FGD4: variants seen among roughly 807,000 people sequenced by gnomAD.
The protein encoded by FGD4 is FYVE, RhoGEF and PH domain containing 4, also known as FYVE, RhoGEF and PH domain-containing protein 4.
In FGD4, 42 loss-of-function variants were observed where a neutral mutation model predicts 102.0. The ratio of observed to expected loss-of-function variants is 0.41; its 90% confidence interval spans 0.32 to 0.53. The LOEUF (loss-of-function observed/expected upper bound fraction) is 0.53. Ranked by LOEUF, FGD4 falls within the 20% of genes least tolerant of loss-of-function variation. The pLI is 0.21. For missense variants in FGD4, 902 were observed against 1,078.2 expected (o/e 0.84, Z 2.29); for synonymous variants, 380 against 375.7 (o/e 1.01, Z -0.13).
intron 1 of FGD4, among the ~76,000 whole-genome samples, chr12:32,530,112 G>T (rs1480724158): frequency 6.6e-6 from 1 of 152,018 alleles, no homozygotes; most frequent in Non-Finnish European, 1.5e-5. Context: ...TCATTTCCAT[G>T]GAAAATGGTA....
At chr12:32,486,253 T>A (rs1943896320) in intron 1 of FGD4, 9 of 1,064,236 alleles carry the variant, frequency 8.5e-6, no homozygotes, top group Middle Eastern at 2.3e-4. Flanking sequence ...TTTCTCTTTG[T>A]TTACTGTTAA....
chr12:32,593,639 T>C (rs1947655587), intron 4 of FGD4, among the ~76,000 whole-genome samples: 2 of 152,222 alleles, frequency 1.3e-5, no homozygotes, highest in Non-Finnish European at 2.9e-5. Flanking sequence ...CCTGTAGGAT[T>C]GTGGAGGACC....
At chr12:32,456,034 G>GCA (rs1942939648) in intron 1 of FGD4, among the ~76,000 whole-genome samples, 2 of 152,116 alleles carry the variant, frequency 1.3e-5, no homozygotes, top group African/African-American at 4.8e-5. Flanking sequence ...CTTCTCAGCT[G>GCA]TTGTGTAAAA....
chr12:32,531,171 G>A (rs1370964597), intron 1 of FGD4, among the ~76,000 whole-genome samples: 1 of 151,570 alleles, frequency 6.6e-6, no homozygotes, highest in Non-Finnish European at 1.5e-5. Context: ...AGATGGTCTC[G>A]ATCTCTTGAC....
intron 1 of FGD4, among the ~76,000 whole-genome samples, chr12:32,461,360 T>A (rs149517982): frequency 6.6e-6 from 1 of 152,186 alleles, no homozygotes; most frequent in South Asian, 2.1e-4. Flanking sequence ...GTAACAGAAG[T>A]GTTGATTGAA....
At chr12:32,600,779 T>G (rs936233868) in intron 5 of FGD4, among the ~76,000 whole-genome samples, 1 of 152,114 alleles carries the variant, frequency 6.6e-6, no homozygotes, top group African/African-American at 2.4e-5. Context: ...TTGTGGGAAC[T>G]AAATCATGAT....
chr12:32,533,900 G>T (rs1368138709), intron 1 of FGD4, among the ~76,000 whole-genome samples: 1 of 152,090 alleles, frequency 6.6e-6, no homozygotes, highest in Non-Finnish European at 1.5e-5. Context: ...GTATTATTTA[G>T]TCACTGAAAT....
intron 1 of FGD4, chr12:32,485,992 G>T: frequency 7.4e-7 from 1 of 1,355,496 alleles, no homozygotes; most frequent in South Asian, 1.9e-5. Flanking sequence ...TTATCATGTT[G>T]AACACTAGAT....
intron 1 of FGD4, among the ~76,000 whole-genome samples, chr12:32,452,431 A>G (rs1463010793): frequency 1.3e-5 from 2 of 152,224 alleles, no homozygotes; most frequent in Admixed American, 6.5e-5. Flanking sequence ...TGAATTTTTG[A>G]TAGACAATAT....
intron 14 of FGD4, among the ~76,000 whole-genome samples, chr12:32,626,446 GA>G (rs34938382): frequency 0.36 from 36,785 of 101,658 alleles, 4,870 homozygotes; most frequent in South Asian, 0.44. Context: ...CTCCATCTCA[GA>G]AAAAAAAAAA....
chr12:32,471,899 T>C (rs959020844), intron 1 of FGD4, among the ~76,000 whole-genome samples: 2 of 152,274 alleles, frequency 1.3e-5, no homozygotes, highest in East Asian at 3.9e-4. Flanking sequence ...CCTACATCAG[T>C]GTGGGAAGTG....
chr12:32,430,320 A>G (rs1942006406), intron 1 of FGD4, among the ~76,000 whole-genome samples: 1 of 152,158 alleles, frequency 6.6e-6, no homozygotes, highest in Non-Finnish European at 1.5e-5. Flanking sequence ...AAAAGAAAAA[A>G]AAAAGGAAAG....
rs753659658 is a variant in FGD4 at position 32,640,350 on chromosome 12, A to G, written c.2529A>G (p.Pro843=). 2 of 1,614,082 alleles carry G rather than the reference A, an allele frequency of 1.2e-6. No homozygotes were observed. Among genetic ancestry groups the G allele is most frequent in the Non-Finnish European group, 1.7e-6 (2 of 1,180,048 alleles). Residue 843 remains proline, a synonymous_variant, in exon 17 of 17, where the codon CCA becomes CCG. Coordinates refer to ENST00000534526, the MANE Select transcript of FGD4 (RefSeq NM_001370298.3). ...AAATGCCAAGGAGCGCAGACCTGCC[A>G]CACAGTTTCAAACTGACCCAGTCTA... The part of the protein sequence containing the change: ...VDEMPRSADL[P]HSFKLTQSKS...
chr12:32,425,079 G>C (rs1275212670), intron 1 of FGD4, among the ~76,000 whole-genome samples: 1 of 152,136 alleles, frequency 6.6e-6, no homozygotes, highest in African/African-American at 2.4e-5. Context: ...AGTTTAATTA[G>C]ATCTTATTTG....
chr12:32,489,903 G>T (rs1406426868), intron 1 of FGD4, among the ~76,000 whole-genome samples: 1 of 152,080 alleles, frequency 6.6e-6, no homozygotes, highest in Non-Finnish European at 1.5e-5. Context: ...AGAATTATGA[G>T]CCAAACATGT....
At chr12:32,481,535 A>G (rs1488390931) in intron 1 of FGD4, among the ~76,000 whole-genome samples, 1 of 152,132 alleles carries the variant, frequency 6.6e-6, no homozygotes, top group East Asian at 1.9e-4. Flanking sequence ...TTTAAAAATG[A>G]ACATCAGCCG....
Position 32,599,494 on chromosome 12 carries a change from CAAA to C in FGD4, c.1101+920_1101+922del, listed in dbSNP as rs777429838. 2.5e-4 allele frequency among the ~76,000 whole-genome samples: 5 copies of C among 19,704 alleles called. 2 individuals carry two copies. The highest frequency in any genetic ancestry group is 1.3e-3 in the African/African-American group (5 of 3,814). 12.9% of individuals were successfully genotyped at this position (19,704 alleles called of 152,430 possible). On this transcript the variant is annotated intron_variant, in intron 5 of 16. Transcript: ENST00000534526. ...TGGGTGACAGAGCGAGACTCCGTCT[CAAA>C]AAAAAAAAAAAGAATAACTTTTGAA...
In FGD4 at chr12:32,581,969, A is replaced by T; in HGVS notation, c.513A>T (p.Ser171=). ...ISRFEGGSSL[S]NYSDLKKESA... ...GTATTTTATCTTTTAGCTCATTATC[A>T]AATTATAGTGATTTGAAGAAAGAGT... The change falls in exon 4 of 17, where the codon TCA becomes TCT. Residue 171 remains serine, a synonymous_variant. Coordinates refer to ENST00000534526, the MANE Select transcript of FGD4 (RefSeq NM_001370298.3). 2 of 1,614,052 alleles carry T rather than the reference A, an allele frequency of 1.2e-6. No homozygotes were observed. Among genetic ancestry groups the T allele is most frequent in the Non-Finnish European group, 1.7e-6 (2 of 1,179,996 alleles).
At chr12:32,471,315 C>T (rs748861819) in intron 1 of FGD4, among the ~76,000 whole-genome samples, 3 of 152,166 alleles carry the variant, frequency 2.0e-5, no homozygotes, top group Non-Finnish European at 4.4e-5. Context: ...GAGCCAATTT[C>T]CCTAGTGAAT....
Sources: allele counts gnomAD v4.1 joint callset (sites outside exome capture counted in the v4.1 genomes callset), GRCh38; gene constraint gnomAD v4.1.1; transcripts MANE v1.5; gene names NCBI Gene and HGNC (gene_info 2026-07-23, HGNC 2026-07-21).